The following TM9SF4 variants were observed in gnomAD, a reference collection of about 807,000 sequenced individuals.
The protein encoded by TM9SF4 is dinucleotide oxidase disulfide thiol exchanger 3 superfamily member 4.
Under a neutral mutation model 90.4 loss-of-function variants are expected in TM9SF4, and 26 were observed. That is an observed-to-expected ratio of 0.29 (90% CI 0.21 to 0.40). TM9SF4 has a LOEUF of 0.40. Ranked by LOEUF, TM9SF4 falls within the 10% of genes least tolerant of loss-of-function variation. TM9SF4 has a pLI of 1.00. For synonymous variants in TM9SF4, 293 were observed against 315.4 expected, an observed-to-expected ratio of 0.93 and a Z score of 0.75; for missense variants, 549 against 834.8, an observed-to-expected ratio of 0.66 and a Z score of 4.22.
chr20:32,125,234 C>T (rs2046402357), intron 1 of TM9SF4, among the ~76,000 whole-genome samples: 1 of 152,218 alleles, frequency 6.6e-6, no homozygotes, highest in African/African-American at 2.4e-5. Context: ...CCCGCCTTAT[C>T]AAGCACCTAC....
In TM9SF4 at chr20:32,165,176, C is replaced by T. The variant is rs185998436; in HGVS notation, c.1780-119C>T. On this transcript the variant is annotated intron_variant, in intron 17 of 17. Transcript: ENST00000398022. The stretch of plus-strand genomic sequence containing the variant: ...CTGCCGCTTGCCACCCACTGGAGCA[C>T]GCCCCTTCCCCTGGCCAGGCCTCAG... 1.8e-3 allele frequency: 2,497 copies of T among 1,376,874 alleles called. 4 individuals are homozygous for T. The highest frequency in any genetic ancestry group is 2.2e-3 in the Non-Finnish European group (2,192 of 989,718). 85.3% of individuals were successfully genotyped at this position (1,376,874 alleles called of 1,614,324 possible).
intron 9 of TM9SF4, among the ~76,000 whole-genome samples, chr20:32,147,575 G>GGGCAC (rs2122429117): frequency 6.6e-6 from 1 of 152,274 alleles, no homozygotes; most frequent in Non-Finnish European, 1.5e-5. Context: ...GGTCGGGGCT[G>GGGCAC]GGCACGGTGG....
intron 1 of TM9SF4, among the ~76,000 whole-genome samples, chr20:32,120,803 T>TGAGG (rs77454006): frequency 0.42 from 63,829 of 151,620 alleles, 13,727 homozygotes; most frequent in East Asian, 0.74. Context: ...TTTATCTGAT[T>TGAGG]AAGTTCCCTT....
chr20:32,122,405 C>G (rs1484855056), intron 1 of TM9SF4, among the ~76,000 whole-genome samples: 4 of 151,156 alleles, frequency 2.6e-5, no homozygotes, highest in African/African-American at 9.7e-5. Flanking sequence ...CCTCACTTCT[C>G]AGACGGGGGT....
chr20:32,130,692 A>G (rs930412127), intron 1 of TM9SF4, among the ~76,000 whole-genome samples: 1 of 152,206 alleles, frequency 6.6e-6, no homozygotes, highest in Non-Finnish European at 1.5e-5. Context: ...GCCAACCCAT[A>G]CTATGAAACC....
At chr20:32,110,802 A>T (rs941868819) in intron 1 of TM9SF4, among the ~76,000 whole-genome samples, 1 of 152,152 alleles carries the variant, frequency 6.6e-6, no homozygotes, top group Non-Finnish European at 1.5e-5. Flanking sequence ...CTTGGAAGTA[A>T]ATCTTTGAAG....
chr20:32,149,883 T>G, intron 10 of TM9SF4, 117 bp downstream of exon 10: 1 of 1,422,666 alleles, frequency 7.0e-7, no homozygotes, highest in Non-Finnish European at 9.5e-7. Context: ...TGGCACCAAG[T>G]GGGCATGTCA....
intron 1 of TM9SF4, among the ~76,000 whole-genome samples, chr20:32,125,766 C>A (rs1055675805): frequency 3.4e-5 from 5 of 145,086 alleles, no homozygotes. Flanking sequence ...CTCACTGACT[C>A]AGGTGATCCC....
chr20:32,129,497 AAAG>A (rs918007328), intron 1 of TM9SF4, among the ~76,000 whole-genome samples: 2 of 152,192 alleles, frequency 1.3e-5, no homozygotes, highest in African/African-American at 4.8e-5. Flanking sequence ...TGTCTCAAAA[AAAG>A]AAAAACATGT....
At chr20:32,122,659 G>A (rs2122334953) in intron 1 of TM9SF4, among the ~76,000 whole-genome samples, 1 of 151,492 alleles carries the variant, frequency 6.6e-6, no homozygotes, top group Non-Finnish European at 1.5e-5. Flanking sequence ...ATGGCGGCCG[G>A]GCAGAGACGC....
At chr20:32,136,312 C>T in intron 3 of TM9SF4, 139 bp downstream of exon 3, 1 of 781,426 alleles carries the variant, frequency 1.3e-6, no homozygotes, top group Non-Finnish European at 2.0e-6. Flanking sequence ...CTTATTTAAA[C>T]CTCATAACAG....
intron 1 of TM9SF4, among the ~76,000 whole-genome samples, chr20:32,117,326 G>A (rs1161637817): frequency 6.6e-6 from 1 of 151,994 alleles, no homozygotes; most frequent in Non-Finnish European, 1.5e-5. Context: ...GAAAGGCATG[G>A]AACAGGAACC....
At chr20:32,163,903 A>C (rs2047063669) in intron 17 of TM9SF4, among the ~76,000 whole-genome samples, 1 of 151,940 alleles carries the variant, frequency 6.6e-6, no homozygotes, top group Non-Finnish European at 1.5e-5. Flanking sequence ...GAGCCACCGC[A>C]CCTGGCCTAT....
At chr20:32,156,942 C>CTTTTTTTTTTTTTTTTTTTT (rs71185385) in intron 13 of TM9SF4, among the ~76,000 whole-genome samples, 2 of 103,502 alleles carry the variant, frequency 1.9e-5, no homozygotes, top group African/African-American at 9.3e-5. Context: ...TGGACATTTT[C>CTTTTTTTTTTTTTTTTTTTT]TTTTTTTTTT....
chr20:32,109,992 G>A, intron 1 of TM9SF4: 10 of 1,413,870 alleles, frequency 7.1e-6, no homozygotes, highest in Non-Finnish European at 9.2e-6. Flanking sequence ...GGAAGACCTC[G>A]GCTGCTGCCT....
intron 3 of TM9SF4, among the ~76,000 whole-genome samples, chr20:32,137,190 C>T (rs751407692): frequency 3.9e-5 from 6 of 152,242 alleles, no homozygotes; most frequent in Non-Finnish European, 8.8e-5. Context: ...TGCCACTTAC[C>T]ATCTGTGGAC....
In TM9SF4 at chr20:32,141,716, C is replaced by G. The variant is rs539476561; in HGVS notation, c.399-50C>G. On this transcript the variant is annotated intron_variant, in intron 4 of 17. Transcript: ENST00000398022. Reference sequence around the variant, plus strand: ...CCTCAGGCTCACACAGGGGAGGACACTGACGGGAGAGGCGGTCGAGAGGGA... The same window carrying G: ...CCTCAGGCTCACACAGGGGAGGACAGTGACGGGAGAGGCGGTCGAGAGGGA... 1.8e-5 allele frequency: 29 copies of G among 1,613,140 alleles called. 1 individual carries two copies. The South Asian group carries it at 2.5e-4, about 14-fold the overall frequency.
intron 1 of TM9SF4, among the ~76,000 whole-genome samples, chr20:32,132,601 C>G (rs1187655426): frequency 6.6e-6 from 1 of 152,040 alleles, no homozygotes; most frequent in Admixed American, 6.6e-5. Context: ...AGGAACATCT[C>G]TTGGTAACAT....
intron 1 of TM9SF4, among the ~76,000 whole-genome samples, chr20:32,123,866 A>ATATATATATATATATATATATATTT: frequency 2.1e-5 from 2 of 93,962 alleles, no homozygotes; most frequent in African/African-American, 9.1e-5. Context: ...ATATATATAT[A>ATATATATATATATATATATATATTT]TTTTTTTTTT....
Sources: gnomAD v4.1 joint callset for allele counts (sites outside exome capture counted in the v4.1 genomes callset) on GRCh38, gnomAD v4.1.1 for gene constraint, MANE v1.5 for transcripts, NCBI Gene and HGNC (gene_info 2026-07-23, HGNC 2026-07-21) for gene names.